Variants in ZMYM1 observed in about 807,000 individuals in gnomAD.
ZMYM1 encodes zinc finger MYM-type protein 1.
A neutral mutation model predicts 60.0 loss-of-function variants in ZMYM1; 39 were observed. That is an observed-to-expected ratio of 0.65 (90% confidence interval 0.50 to 0.85). The LOEUF (loss-of-function observed/expected upper bound fraction) is 0.85, where lower values mean the gene tolerates loss of function less well. ZMYM1 is among the 40% of genes least tolerant of loss of function. The probability of loss-of-function intolerance (pLI) is 0.00; values close to 1 mark genes in which losing one functional copy is unlikely to be tolerated. For missense variants in ZMYM1, 1,171 were observed against 1,309.5 expected, an observed-to-expected ratio of 0.89 and a Z score of 1.63; for synonymous variants, 413 against 454.0, an observed-to-expected ratio of 0.91 and a Z score of 1.15.
chr1:35,093,664 G>A (rs1324752376), intron 1 of ZMYM1, among the ~76,000 whole-genome samples: 1 of 152,146 alleles, frequency 6.6e-6, no homozygotes, highest in Non-Finnish European at 1.5e-5. Flanking sequence ...GTTTTATGCT[G>A]CATTCAGTCT....
chr1:35,110,388 T>C lies in ZMYM1; in HGVS notation c.902T>C (p.Leu301Pro). 6.3e-7 allele frequency: 1 copy of C among 1,590,022 alleles called. No individual in the cohort carries two copies. Residue 301 changes from leucine to proline, a missense_variant, in exon 7 of 10, where the codon CTT (leucine) becomes CCT (proline). Leu to Pro is a moderately conservative substitution (Grantham distance 98, BLOSUM62 -3). Coordinates refer to ENST00000359858, the MANE Select transcript of ZMYM1 (RefSeq NM_024772.5). Reference sequence around the variant, plus strand: ...ACGAGTGATTTGGGGAAGACAGAGCTTTTCTGCTCTATTAATTGTTTCTCT... The same window carrying C: ...ACGAGTGATTTGGGGAAGACAGAGCCTTTCTGCTCTATTAATTGTTTCTCT... The part of the protein sequence containing the change: ...ETTSDLGKTE[L>P]FCSINCFSAY...
chr1:35,105,213 C>G (rs1643861510), intron 6 of ZMYM1, among the ~76,000 whole-genome samples: 3 of 144,964 alleles, frequency 2.1e-5, no homozygotes, highest in African/African-American at 7.8e-5. Context: ...CGGCTCACTG[C>G]AAGTTCTGCC....
intron 1 of ZMYM1, among the ~76,000 whole-genome samples, chr1:35,091,729 TA>T (rs1643015154): frequency 7.1e-6 from 1 of 140,124 alleles, no homozygotes; most frequent in Non-Finnish European, 1.5e-5. Flanking sequence ...ACACCTTCTC[TA>T]CAAAAAAAAA....
intron 1 of ZMYM1, among the ~76,000 whole-genome samples, chr1:35,074,148 ATCT>A (rs746171569): frequency 2.0e-5 from 3 of 152,108 alleles, no homozygotes; most frequent in Non-Finnish European, 4.4e-5. Context: ...ATTCAGGATC[ATCT>A]TGTTTACTTT....
At chr1:35,098,462 T>A (rs763837877) in intron 4 of ZMYM1, among the ~76,000 whole-genome samples, 11 of 152,222 alleles carry the variant, frequency 7.2e-5, no homozygotes, top group Non-Finnish European at 1.0e-4. Flanking sequence ...CCACAGTGCT[T>A]CTAAATATAA....
chr1:35,112,390 C>T (rs1420910686), intron 9 of ZMYM1, among the ~76,000 whole-genome samples: 3 of 150,548 alleles, frequency 2.0e-5, no homozygotes, highest in African/African-American at 7.3e-5. Context: ...GTTGGCCAAC[C>T]TGGTCTCGAA....
upstream of ZMYM1, among the ~76,000 whole-genome samples, chr1:35,074,504 G>T (rs1160662474): frequency 1.3e-5 from 2 of 152,092 alleles, no homozygotes; most frequent in Non-Finnish European, 2.9e-5. Context: ...CACCTCCTGG[G>T]TTCAAGCGAT....
At chr1:35,087,123 T>A (rs1642700519) in intron 1 of ZMYM1, among the ~76,000 whole-genome samples, 1 of 149,350 alleles carries the variant, frequency 6.7e-6, no homozygotes, top group Non-Finnish European at 1.5e-5. Context: ...TCCCAAGAGC[T>A]GGAACTACAG....
At chr1:35,083,118 A>G (rs1316251775) in intron 1 of ZMYM1, among the ~76,000 whole-genome samples, 1 of 152,034 alleles carries the variant, frequency 6.6e-6, no homozygotes, top group African/African-American at 2.4e-5. Context: ...CCAGCACTTT[A>G]AAGATATTAC....
chr1:35,073,326 G>A (rs1438900505), intron 1 of ZMYM1, among the ~76,000 whole-genome samples: 5 of 91,532 alleles, frequency 5.5e-5, no homozygotes, highest in African/African-American at 2.1e-4. Context: ...AAAAAGAAAG[G>A]GAGAAAGAAA....
chr1:35,111,200 C>T (rs1001561589), intron 7 of ZMYM1, among the ~76,000 whole-genome samples: 2 of 152,044 alleles, frequency 1.3e-5, no homozygotes, highest in African/African-American at 4.8e-5. Flanking sequence ...CTTTAAGACT[C>T]AATAATAAAA....
At chr1:35,099,076 G>A (rs1643496964) in intron 4 of ZMYM1, among the ~76,000 whole-genome samples, 1 of 152,136 alleles carries the variant, frequency 6.6e-6, no homozygotes, top group African/African-American at 2.4e-5. Context: ...GTATATTTAA[G>A]TGGTCAGAAC....
downstream of ZMYM1, among the ~76,000 whole-genome samples, chr1:35,118,492 G>A (rs929702499): frequency 7.2e-5 from 11 of 152,010 alleles, no homozygotes; most frequent in South Asian, 8.3e-4. Context: ...TTGGGAGGCC[G>A]AGGTGGGCGG....
At chr1:35,116,942 C>G (rs911675765), downstream of ZMYM1, among the ~76,000 whole-genome samples, 6 of 131,042 alleles carry the variant, frequency 4.6e-5, no homozygotes, top group South Asian at 2.7e-4. Context: ...CTTCCGGGTT[C>G]ACGCCATTCT....
intron 1 of ZMYM1, among the ~76,000 whole-genome samples, chr1:35,082,310 A>G (rs1025559253): frequency 6.6e-6 from 1 of 151,944 alleles, no homozygotes; most frequent in Non-Finnish European, 1.5e-5. Context: ...CATGTCTACA[A>G]ATAAAAAGTT....
intron 4 of ZMYM1, among the ~76,000 whole-genome samples, chr1:35,099,535 ATAT>A (rs1423649665): frequency 6.6e-6 from 1 of 152,194 alleles, no homozygotes; most frequent in Non-Finnish European, 1.5e-5. Flanking sequence ...TTTATAAAAA[ATAT>A]TATATTGTAG....
intron 1 of ZMYM1, among the ~76,000 whole-genome samples, chr1:35,065,243 A>G (rs1641953820): frequency 6.6e-6 from 1 of 151,676 alleles, no homozygotes; most frequent in South Asian, 2.1e-4. Context: ...CTGCCTGAAG[A>G]TGAGGAGGAT....
Position 35,115,004 on chromosome 1 carries a change from T to A in ZMYM1, c.3174T>A (p.Gly1058=). 1 of 1,614,108 alleles carries A rather than the reference T, an allele frequency of 6.2e-7. No homozygotes were observed. ...VSLGCLFIQH[G]LHSNIPCLSK... ...TCGGCTGTTTGTTTATTCAGCATGG[T>A]CTTCACAGTAATATTCCTTGTCTCT... The change falls in exon 10 of 10, where the codon GGT becomes GGA. Residue 1058 remains glycine (G), a synonymous_variant. Coordinates refer to ENST00000359858, the MANE Select transcript of ZMYM1 (RefSeq NM_024772.5).
At chr1:35,094,540 A>G (rs1042341739) in intron 2 of ZMYM1, among the ~76,000 whole-genome samples, 1 of 152,210 alleles carries the variant, frequency 6.6e-6, no homozygotes, top group Non-Finnish European at 1.5e-5. Flanking sequence ...TTGTTTAAGT[A>G]GGGAAAACAT....
Sources: allele counts gnomAD v4.1 joint callset (sites outside exome capture counted in the v4.1 genomes callset), GRCh38; gene constraint gnomAD v4.1.1; transcripts MANE v1.5; gene names NCBI Gene and HGNC (gene_info 2026-07-23, HGNC 2026-07-21).